The following CASC3 variants were observed in gnomAD, a reference collection of about 807,000 sequenced individuals.
CASC3 encodes protein CASC3.
In CASC3, 30 loss-of-function variants were observed where a neutral mutation model predicts 80.5. The ratio of observed to expected loss-of-function variants is 0.37; its 90% CI spans 0.28 to 0.51. The LOEUF (loss-of-function observed/expected upper bound fraction) is 0.51, where lower values mean the gene tolerates loss of function less well. Among genes scored for constraint, CASC3 ranks in the 20% least tolerant of loss-of-function variants. The pLI, the probability that CASC3 is intolerant of heterozygous loss-of-function variation, is 0.94. For missense variants in CASC3, 824 were observed against 922.2 expected, an observed-to-expected ratio of 0.89 and a Z score of 1.38; for synonymous variants, 312 against 333.6, an observed-to-expected ratio of 0.94 and a Z score of 0.70.
At position 40,171,521 on chromosome 17, in the gene CASC3, C is replaced by T; in HGVS notation, c.*1116C>T. 1.0e-6 allele frequency: 1 copy of T among 989,254 alleles called. No homozygotes were observed. The highest frequency in any genetic ancestry group is 1.2e-6 in the Non-Finnish European group (1 of 831,888). 61.3% of individuals were successfully genotyped at this position (989,254 alleles called of 1,614,324 possible). The stretch of plus-strand genomic sequence containing the variant: ...CCTGCTACAAGTGTTTTAGATGTTA[C>T]TACCTTATTTTCCCCGAATTCTATT... On this transcript the variant is annotated 3_prime_UTR_variant, in exon 14 of 14. Transcript: ENST00000264645.
chr17:40,144,921 C>A (rs1417506383), intron 3 of CASC3, among the ~76,000 whole-genome samples: 1 of 147,220 alleles, frequency 6.8e-6, no homozygotes, highest in Non-Finnish European at 1.5e-5. Context: ...AGTGCAATGG[C>A]TCGATCTCAG....
intron 3 of CASC3, among the ~76,000 whole-genome samples, chr17:40,147,365 A>C (rs1988887264): frequency 6.6e-6 from 1 of 152,098 alleles, no homozygotes; most frequent in Non-Finnish European, 1.5e-5. Context: ...GAGGCCAGGT[A>C]CCTTGGCTCA....
chr17:40,163,424 C>A, intron 6 of CASC3, 57 bp from the exon 7 acceptor site: 1 of 1,472,666 alleles, frequency 6.8e-7, no homozygotes. Flanking sequence ...CCTGAGCCAC[C>A]GCGCGTAGCC....
chr17:40,140,661 G>T lies in CASC3; in HGVS notation c.113G>T (p.Gly38Val). The T allele has an allele frequency of 6.2e-7, 1 of 1,606,418 alleles. No individual in the cohort carries two copies. Among genetic ancestry groups the T allele is most frequent in the Non-Finnish European group, 8.5e-7 (1 of 1,177,750 alleles). ...SPLRGGGSCS[G>V]SAGGGGSGSL... ...TTGCGGGGAGGCGGGAGCTGCAGCG[G>T]TAGCGCCGGAGGCGGCGGCAGCGGC... The change falls in exon 1 of 14, where the codon GGT (glycine) becomes GTT (valine). Residue 38 changes from glycine (G) to valine (V), a missense_variant. This residue lies in a region of CASC3 where 159 missense variants were observed against 122.2 expected (regional missense o/e 1.30). Coordinates refer to ENST00000264645, the MANE Select transcript of CASC3 (RefSeq NM_007359.5).
chr17:40,169,749 T>C, intron 13 of CASC3, 87 bp downstream of exon 13: 2 of 480,066 alleles, frequency 4.2e-6, no homozygotes, highest in South Asian at 3.6e-5. Context: ...ATGCTTTTTT[T>C]TTTTTTTTTT....
chr17:40,148,837 C>G (rs1988924757), intron 3 of CASC3, among the ~76,000 whole-genome samples: 1 of 152,174 alleles, frequency 6.6e-6, no homozygotes. Flanking sequence ...TATGCACTTA[C>G]ATTTTGGGTC....
In CASC3 at chr17:40,167,599, T is replaced by C. The variant is rs1989483835; in HGVS notation, c.1638T>C (p.His546=). The change falls in exon 9 of 14, where the codon CAT becomes CAC. Residue 546 remains histidine (H), a synonymous_variant. Coordinates refer to ENST00000264645, the MANE Select transcript of CASC3 (RefSeq NM_007359.5). ...PPVHISIMEG[H]YYDPLQFQGP... ...TGCATATCAGTATCATGGAGGGACATTACTATGATCCACGTGAGTTTTTTC... is the reference window on the plus strand; with the variant it reads ...TGCATATCAGTATCATGGAGGGACACTACTATGATCCACGTGAGTTTTTTC... The C allele has an allele frequency of 6.2e-7, 1 of 1,611,882 alleles. No homozygotes were observed. The highest frequency in any genetic ancestry group is 1.3e-5 in the African/African-American group (1 of 74,864).
In CASC3 at chr17:40,171,578, T is replaced by C; in HGVS notation, c.*1173T>C. 7 of 990,496 alleles carry C rather than the reference T, an allele frequency of 7.1e-6. No homozygotes were observed. Among genetic ancestry groups the C allele is most frequent in the Non-Finnish European group, 7.2e-6 (6 of 832,560 alleles). The allele number at this position is 990,496 out of a possible 1,614,324, so 61.4% of individuals were successfully genotyped here. A position where few individuals can be genotyped will look rare whatever the true frequency, so the allele number is the denominator to read the frequency against. On this transcript the variant is annotated 3_prime_UTR_variant, in exon 14 of 14. Coordinates refer to ENST00000264645, the MANE Select transcript of CASC3 (RefSeq NM_007359.5). ...CTTGCAGACAGAATATAAAAACTCC[T>C]GGGCTTAAGGCCTAAGGAAGCCAGT...
Position 40,163,890 on chromosome 17 carries a change from A to T in CASC3, c.1195A>T (p.Ile399Phe). The stretch of plus-strand genomic sequence containing the variant: ...TGCACCACCACCCCCTGATAGGCCC[A>T]TTGAGAAGAAATCCTATTCCCGGGC... ...DAAPPPPDRP[I>F]EKKSYSRARR... The change falls in exon 7 of 14, where the codon ATT becomes TTT. Residue 399 changes from isoleucine to phenylalanine, a missense_variant. This residue lies in a region of CASC3 where 464 missense variants were observed against 506.0 expected (regional missense o/e 0.92). Transcript: ENST00000264645. The T allele has an allele frequency of 6.2e-7, 1 of 1,614,108 alleles. No individual in the cohort carries two copies. Among genetic ancestry groups the T allele is most frequent in the Non-Finnish European group, 8.5e-7 (1 of 1,180,018 alleles).
chr17:40,166,597 A>G (rs966223605), intron 7 of CASC3, among the ~76,000 whole-genome samples, 200 bp from the exon 8 acceptor site: 8 of 152,222 alleles, frequency 5.3e-5, no homozygotes, highest in African/African-American at 1.4e-4. Context: ...CTTTATTGCT[A>G]TATTAAGATG....
chr17:40,170,864 T>G lies in CASC3; in HGVS notation c.*459T>G. The G allele has an allele frequency of 1.0e-6, 1 of 985,290 alleles. No homozygotes were observed. The highest frequency in any genetic ancestry group is 1.2e-6 in the Non-Finnish European group (1 of 829,688). 61.0% of individuals were successfully genotyped at this position (985,290 alleles called of 1,614,324 possible). On this transcript the variant is annotated 3_prime_UTR_variant, in exon 14 of 14. Coordinates refer to ENST00000264645, the MANE Select transcript of CASC3 (RefSeq NM_007359.5). Reference sequence around the variant, plus strand: ...TTTTCTCTTTGTTTCTGTTTCTTGCTCTCTCTCCCTGCCTTTAAATGAAAC... The same window carrying G: ...TTTTCTCTTTGTTTCTGTTTCTTGCGCTCTCTCCCTGCCTTTAAATGAAAC...
chr17:40,153,801 C>T (rs1344681611), intron 3 of CASC3, among the ~76,000 whole-genome samples: 7 of 151,908 alleles, frequency 4.6e-5, no homozygotes, highest in East Asian at 1.9e-4. Context: ...TGGCGGGGCA[C>T]GGTGGCTCAC....
rs1044952485 is a variant in CASC3, at chr17:40,170,872, C to T, written c.*467C>T. ...TTGTTTCTGTTTCTTGCTCTCTCTC[C>T]CTGCCTTTAAATGAAACAAGTCTAG... On this transcript the variant is annotated 3_prime_UTR_variant, in exon 14 of 14. Coordinates refer to ENST00000264645, the MANE Select transcript of CASC3 (RefSeq NM_007359.5). 3.5e-5 allele frequency: 34 copies of T among 985,072 alleles called. No homozygotes were observed. Among genetic ancestry groups the T allele is most frequent in the Non-Finnish European group, 4.1e-5 (34 of 829,770 alleles). 61.0% of individuals were successfully genotyped at this position (985,072 alleles called of 1,614,324 possible). A position where few individuals can be genotyped will look rare whatever the true frequency, so the allele number is the denominator to read the frequency against.
Position 40,171,121 on chromosome 17 carries a change from G to A in CASC3, c.*716G>A, listed in dbSNP as rs982072322. The A allele has an allele frequency of 5.1e-6, 5 of 985,816 alleles. No homozygotes were observed. The African/African-American group carries it at 7.0e-5, about 14-fold the overall frequency. 61.1% of individuals were successfully genotyped at this position (985,816 alleles called of 1,614,324 possible). A position where few individuals can be genotyped will look rare whatever the true frequency, so the allele number is the denominator to read the frequency against. Reference sequence around the variant, plus strand: ...GTCCCATTGTGCAGAAAAGCTCAGAGTAGGTGGGTAGGAGCCCTTCTCTTT... The same window carrying A: ...GTCCCATTGTGCAGAAAAGCTCAGAATAGGTGGGTAGGAGCCCTTCTCTTT... On this transcript the variant is annotated 3_prime_UTR_variant, in exon 14 of 14. Coordinates refer to ENST00000264645, the MANE Select transcript of CASC3 (RefSeq NM_007359.5).
chr17:40,153,831 T>C (rs1413831838), intron 3 of CASC3, among the ~76,000 whole-genome samples: 2 of 152,176 alleles, frequency 1.3e-5, no homozygotes, highest in East Asian at 1.9e-4. Context: ...CCCAGCACTT[T>C]GGGAGGCCGA....
Position 40,172,041 on chromosome 17 carries a change from CTG to C in CASC3, c.*1638_*1639del, listed in dbSNP as rs1245012408. 30 of 1,289,948 alleles carry C rather than the reference CTG, an allele frequency of 2.3e-5. No individual in the cohort carries two copies. The highest frequency in any genetic ancestry group is 2.9e-5 in the Non-Finnish European group (29 of 988,866). 79.9% of individuals were successfully genotyped at this position (1,289,948 alleles called of 1,614,324 possible). A position where few individuals can be genotyped will look rare whatever the true frequency, so the allele number is the denominator to read the frequency against. The stretch of plus-strand genomic sequence containing the variant: ...CCTTAAGACACTGTGAGAGTTGTCT[CTG>C]TTGGTCCACTGTGTTTAGTTGCAAG... On this transcript the variant is annotated 3_prime_UTR_variant, in exon 14 of 14. Coordinates refer to ENST00000264645, the MANE Select transcript of CASC3 (RefSeq NM_007359.5).
chr17:40,141,083 C>G (rs1277448165), intron 1 of CASC3, 124 bp from the exon 2 acceptor site: 2 of 899,672 alleles, frequency 2.2e-6, no homozygotes, highest in Non-Finnish European at 3.7e-6. Flanking sequence ...TAAAGATTTA[C>G]CTATCTCTGT....
In CASC3 at chr17:40,141,364, A is replaced by C; in HGVS notation, c.259+130A>C. ...GCCACAGAGTGCCTTTTTGTAACATAGTGGTTAAGAGCATAGGCTTTAGCA... is the reference window on the plus strand; with the variant it reads ...GCCACAGAGTGCCTTTTTGTAACATCGTGGTTAAGAGCATAGGCTTTAGCA... On this transcript the variant is annotated intron_variant, in intron 2 of 13. Coordinates refer to ENST00000264645, the MANE Select transcript of CASC3 (RefSeq NM_007359.5). 3.2e-6 allele frequency: 3 copies of C among 929,014 alleles called. No individual in the cohort carries two copies. The East Asian group carries it at 7.2e-5, about 22-fold the overall frequency. The allele number at this position is 929,014 out of a possible 1,614,324, so 57.5% of individuals were successfully genotyped here.
intron 3 of CASC3, among the ~76,000 whole-genome samples, chr17:40,158,774 T>A (rs1989216032): frequency 6.6e-6 from 1 of 152,248 alleles, no homozygotes; most frequent in Non-Finnish European, 1.5e-5. Context: ...GTACAAGTTG[T>A]CCTTTAAGGT....
Sources: allele counts gnomAD v4.1 joint callset (sites outside exome capture counted in the v4.1 genomes callset), GRCh38; gene constraint gnomAD v4.1.1; regional missense constraint gnomAD v4.1.1; transcripts MANE v1.5; gene names NCBI Gene and HGNC (gene_info 2026-07-23, HGNC 2026-07-21).